Variants in SASH1 observed in about 807,000 individuals in gnomAD.
SASH1 encodes the protein SAM and SH3 domain containing 1.
A neutral mutation model predicts 125.2 loss-of-function variants in SASH1; 44 were observed. The ratio of observed to expected loss-of-function variants is 0.35; its 90% confidence interval spans 0.28 to 0.45. The LOEUF is 0.45. Among genes scored for constraint, SASH1 ranks in the 20% least tolerant of loss-of-function variants. The probability of loss-of-function intolerance (pLI) is 1.00; values close to 1 mark genes in which losing one functional copy is unlikely to be tolerated. For synonymous variants in SASH1, 639 were observed against 649.1 expected, an observed-to-expected ratio of 0.98 and a Z score of 0.24; for missense variants, 1,426 against 1,614.5, an observed-to-expected ratio of 0.88 and a Z score of 2.00.
intron 1 of SASH1, among the ~76,000 whole-genome samples, chr6:148,300,194 T>G (rs893772473): frequency 2.0e-5 from 3 of 152,216 alleles, no homozygotes; most frequent in African/African-American, 7.2e-5. Flanking sequence ...GTCCTTTCAT[T>G]AGTATGATCA....
chr6:148,270,139 G>T (rs1264265601), upstream of SASH1, among the ~76,000 whole-genome samples: 1 of 152,216 alleles, frequency 6.6e-6, no homozygotes, highest in African/African-American at 2.4e-5. Context: ...GACAGACTAA[G>T]ACCTTCCTGG....
chr6:148,362,133 T>A (rs1394599419), intron 1 of SASH1, among the ~76,000 whole-genome samples: 2 of 151,862 alleles, frequency 1.3e-5, no homozygotes, highest in East Asian at 1.9e-4. Flanking sequence ...TTCTCCGTGT[T>A]AGCCAGGATG....
chr6:148,374,081 A>C (rs565589190), intron 1 of SASH1, among the ~76,000 whole-genome samples: 1 of 152,378 alleles, frequency 6.6e-6, no homozygotes, highest in Admixed American at 6.5e-5. Flanking sequence ...GCGTCTTGAC[A>C]GTACATTGAA....
chr6:148,508,623 G>GA (rs35813367), intron 8 of SASH1: 13 of 1,149,176 alleles, frequency 1.1e-5, no homozygotes, highest in Non-Finnish European at 1.3e-5. Context: ...AGCGACTGGG[G>GA]AATCAGTCAG....
intron 7 of SASH1, among the ~76,000 whole-genome samples, chr6:148,482,354 CAA>C (rs1480174124): frequency 1.3e-5 from 2 of 152,138 alleles, no homozygotes; most frequent in African/African-American, 4.8e-5. Flanking sequence ...AAAGACTGCT[CAA>C]GTCAATGTGA....
Position 148,532,846 on chromosome 6 carries a change from C to CGTCAA in SASH1, c.1618_1622dup (p.Glu542SerfsTer46). On this transcript the variant is annotated frameshift_variant, in exon 14 of 20. Transcript: ENST00000367467. LOFTEE classifies it high-confidence loss of function. The surrounding 1 kb of genome is among the most constrained non-coding windows in gnomAD (Gnocchi z 4.7). ...ATTCCTCAACCAGCAACCGGGAAAG[C>CGTCAA]GTCAAGTCGGAAGATGGGGATGACG... 1 of 1,614,236 alleles carries CGTCAA rather than the reference C, an allele frequency of 6.2e-7. No individual in the cohort carries two copies. Among genetic ancestry groups the CGTCAA allele is most frequent in the Non-Finnish European group, 8.5e-7 (1 of 1,180,044 alleles).
chr6:148,348,264 G>A (rs1255811213), intron 1 of SASH1, among the ~76,000 whole-genome samples: 1 of 152,196 alleles, frequency 6.6e-6, no homozygotes, highest in Non-Finnish European at 1.5e-5. Context: ...AAAGTGCTGG[G>A]ATTACAGGCG....
intron 1 of SASH1, among the ~76,000 whole-genome samples, chr6:148,374,396 C>G (rs1326340821): frequency 6.6e-6 from 1 of 152,160 alleles, no homozygotes; most frequent in African/African-American, 2.4e-5. Flanking sequence ...ATGAATTGCT[C>G]TTTCAAAAAA....
chr6:148,468,671 A>G (rs1687318885), intron 5 of SASH1, 86 bp downstream of exon 5: 2 of 828,234 alleles, frequency 2.4e-6, no homozygotes, highest in East Asian at 2.7e-5. Flanking sequence ...AAAACCCACA[A>G]GAATCCTTCT....
the SASH1 span, among the ~76,000 whole-genome samples, chr6:148,196,716 C>T: frequency 6.6e-6 from 1 of 152,282 alleles, no homozygotes; most frequent in African/African-American, 2.4e-5. Context: ...TGAGATAAGA[C>T]AAACATCCAT....
intron 1 of SASH1, among the ~76,000 whole-genome samples, chr6:148,368,777 C>CACACACACACACACAT (rs1562357359): frequency 6.6e-6 from 1 of 151,462 alleles, no homozygotes; most frequent in Admixed American, 6.6e-5. Flanking sequence ...CGCGCACACA[C>CACACACACACACACAT]ACACACACAC....
At chr6:148,469,269 CA>C (rs1468501432) in intron 5 of SASH1, among the ~76,000 whole-genome samples, 1 of 152,130 alleles carries the variant, frequency 6.6e-6, no homozygotes, top group East Asian at 1.9e-4. Flanking sequence ...TAGGTGGGAA[CA>C]ATGATGTGTC....
intron 1 of SASH1, among the ~76,000 whole-genome samples, chr6:148,315,398 T>C (rs926702524): frequency 1.3e-5 from 2 of 152,174 alleles, no homozygotes; most frequent in African/African-American, 4.8e-5. Context: ...AAGTGAACCT[T>C]AGAGAGTAAC....
chr6:148,462,291 C>G (rs534024528), intron 4 of SASH1, among the ~76,000 whole-genome samples: 29 of 149,426 alleles, frequency 1.9e-4, no homozygotes, highest in African/African-American at 6.8e-4. Context: ...CTTTCTTTTT[C>G]TTTTCTTTTC....
the SASH1 span, among the ~76,000 whole-genome samples, chr6:148,224,426 T>C: frequency 6.6e-6 from 1 of 151,982 alleles, no homozygotes; most frequent in African/African-American, 2.4e-5. Context: ...AGTGGTGCGA[T>C]CTTGGCTCAC....
intron 17 of SASH1, among the ~76,000 whole-genome samples, chr6:148,543,185 A>G (rs1254387378): frequency 6.6e-6 from 1 of 152,212 alleles, no homozygotes; most frequent in African/African-American, 2.4e-5. Flanking sequence ...ACTTACTAGA[A>G]GGAGGGGCTT....
rs1267766117 is a variant in SASH1 at position 148,519,644 on chromosome 6, T to C, written c.960T>C (p.Ser320=). The C allele has an allele frequency of 1.2e-6, 2 of 1,614,020 alleles. No homozygotes were observed. Among genetic ancestry groups the C allele is most frequent in the African/African-American group, 2.7e-5 (2 of 74,894 alleles). Residue 320 remains serine (S), a synonymous_variant, in exon 10 of 20, where the codon TCT becomes TCC. Coordinates refer to ENST00000367467, the MANE Select transcript of SASH1 (RefSeq NM_015278.5). The surrounding 1 kb of genome is among the most constrained non-coding windows in gnomAD (Gnocchi z 4.8). ...VHKKPLFFDG[S]PEKPPEDDSD... is the part of the protein sequence containing the mutation. ...AGAAGCCCCTTTTCTTTGATGGCTC[T>C]CCTGAGAAACCTCCCGAAGATGACT...
intron 9 of SASH1, among the ~76,000 whole-genome samples, chr6:148,518,990 T>C (rs1240300095): frequency 1.3e-5 from 2 of 152,240 alleles, no homozygotes; most frequent in East Asian, 1.9e-4. Context: ...CTGGAGACGA[T>C]GTGTCAGTCA....
chr6:148,537,757 A>G lies in SASH1; in HGVS notation c.2096-2686A>G, dbSNP rs576389963. ...ACTACCTTTTGATGTTGGAATATTC[A>G]TAGGTGTCTTAGCATATTCTGTGTG... On this transcript the variant is annotated intron_variant, in intron 16 of 19. Coordinates refer to ENST00000367467, the MANE Select transcript of SASH1 (RefSeq NM_015278.5). 6.0e-5 allele frequency among the ~76,000 whole-genome samples: 9 copies of G among 148,792 alleles called. No individual in the cohort carries two copies. The East Asian group carries it at 1.8e-3, about 30-fold the overall frequency.
Sources: gnomAD v4.1 joint callset for allele counts (sites outside exome capture counted in the v4.1 genomes callset) on GRCh38, gnomAD v4.1.1 for gene constraint, Gnocchi (gnomAD v3.1) non-coding constraint, MANE v1.5 for transcripts, NCBI Gene and HGNC (gene_info 2026-07-23, HGNC 2026-07-21) for gene names.